Variants in SLC4A10 observed in about 807,000 individuals in gnomAD.
SLC4A10 encodes the protein solute carrier family 4 member 10, also known as sodium-driven chloride bicarbonate exchanger.
In SLC4A10, 42 loss-of-function variants were observed where a neutral mutation model predicts 137.7. The observed-to-expected ratio is 0.30, with a 90% CI of 0.24 to 0.39. The LOEUF is 0.39. SLC4A10 is among the 10% of genes least tolerant of loss of function. The pLI is 1.00. For missense variants in SLC4A10, 925 were observed against 1,355.0 expected, an observed-to-expected ratio of 0.68 and a Z score of 4.98; for synonymous variants, 474 against 464.1, an observed-to-expected ratio of 1.02 and a Z score of -0.27.
At chr2:161,932,746 A>G (rs188100286) in intron 15 of SLC4A10, among the ~76,000 whole-genome samples, 2 of 152,276 alleles carry the variant, frequency 1.3e-5, no homozygotes, top group East Asian at 3.9e-4. Flanking sequence ...CACAATCTTT[A>G]CTACTGTAGG....
intron 2 of SLC4A10, among the ~76,000 whole-genome samples, chr2:161,782,194 G>A (rs924392154): frequency 6.6e-6 from 1 of 152,048 alleles, no homozygotes; most frequent in African/African-American, 2.4e-5. Context: ...TAAACTTTCT[G>A]GGGGTTTTCC....
chr2:161,854,342 A>T lies in SLC4A10; in HGVS notation c.417-628A>T, dbSNP rs1279271634. On this transcript the variant is annotated intron_variant, in intron 4 of 26. Transcript: ENST00000446997. ...CAAGAAGACAGTGGTCCCCCATTTG[A>T]CATCATGACATCAAGGTTCTTCTCT... Among the ~76,000 whole-genome samples the T allele has an allele frequency of 4.6e-5, 7 of 152,288 alleles. No individual in the cohort carries two copies. In the East Asian group the frequency reaches 1.4e-3, roughly 29 times the overall value.
chr2:161,955,895 C>G (rs988485183), intron 19 of SLC4A10, among the ~76,000 whole-genome samples: 1 of 152,120 alleles, frequency 6.6e-6, no homozygotes, highest in Non-Finnish European at 1.5e-5. Flanking sequence ...TAAAATTACA[C>G]TTACTAAATT....
At chr2:161,856,397 A>ACACACC (rs750648475) in intron 5 of SLC4A10, among the ~76,000 whole-genome samples, 4 of 147,892 alleles carry the variant, frequency 2.7e-5, no homozygotes, top group Non-Finnish European at 4.5e-5. Flanking sequence ...ACACACACAC[A>ACACACC]CCACACTGCC....
At chr2:161,732,657 A>G (rs1057438298) in intron 1 of SLC4A10, among the ~76,000 whole-genome samples, 8 of 152,198 alleles carry the variant, frequency 5.3e-5, no homozygotes, top group Non-Finnish European at 1.2e-4. Flanking sequence ...CAAAATGTTG[A>G]AGCAACTTTG....
chr2:161,640,170 A>G (rs942944510), intron 1 of SLC4A10, among the ~76,000 whole-genome samples: 1 of 152,100 alleles, frequency 6.6e-6, no homozygotes, highest in Non-Finnish European at 1.5e-5. Flanking sequence ...CTGGGTCATA[A>G]TCCAGTACTT....
chr2:161,678,317 C>T (rs540773784), intron 1 of SLC4A10, among the ~76,000 whole-genome samples: 4 of 152,242 alleles, frequency 2.6e-5, no homozygotes, highest in African/African-American at 9.6e-5. Flanking sequence ...TCCTTAAAAA[C>T]TTGGCCATTT....
chr2:161,882,470 AT>A, intron 10 of SLC4A10, 26 bp downstream of exon 10: 10 of 1,484,830 alleles, frequency 6.7e-6, no homozygotes, highest in South Asian at 6.7e-5. Context: ...CTTTGGGAAC[AT>A]TTTCCCCCAT....
chr2:161,795,605 C>A (rs1451548127), intron 2 of SLC4A10, among the ~76,000 whole-genome samples: 1 of 151,994 alleles, frequency 6.6e-6, no homozygotes, highest in Non-Finnish European at 1.5e-5. Context: ...GATTCAACCT[C>A]TTGGAAGATT....
intron 1 of SLC4A10, among the ~76,000 whole-genome samples, chr2:161,722,951 AC>A (rs2125129959): frequency 6.6e-6 from 1 of 152,292 alleles, no homozygotes; most frequent in African/African-American, 2.4e-5. Flanking sequence ...CAGTCTGGCC[AC>A]AATCTGCCGC....
intron 1 of SLC4A10, among the ~76,000 whole-genome samples, chr2:161,653,124 A>G (rs1574120773): frequency 6.6e-6 from 1 of 152,200 alleles, no homozygotes; most frequent in East Asian, 1.9e-4. Context: ...TTCCTGTGTT[A>G]GTATGCCGAG....
intron 1 of SLC4A10, among the ~76,000 whole-genome samples, chr2:161,643,703 T>TTTAAATATCTTATATTTATATTAAATA (rs1459033952): frequency 1.2e-4 from 19 of 152,184 alleles, no homozygotes; most frequent in Non-Finnish European, 2.4e-4. Flanking sequence ...AGGCAAGATA[T>TTTAAATATCTTATATTTATATTAAATA]TTAAATATTT....
At chr2:161,929,539 C>T (rs1305472995) in intron 15 of SLC4A10, among the ~76,000 whole-genome samples, 2 of 152,206 alleles carry the variant, frequency 1.3e-5, no homozygotes, top group East Asian at 3.9e-4. Context: ...CTAGGGACCC[C>T]TGACCAATGA....
At chr2:161,769,049 C>A (rs539419172) in intron 1 of SLC4A10, among the ~76,000 whole-genome samples, 1 of 151,938 alleles carries the variant, frequency 6.6e-6, no homozygotes, top group African/African-American at 2.4e-5. Flanking sequence ...TTTCCTAAGC[C>A]TTTATATACT....
chr2:161,651,609 C>A (rs183105813), intron 1 of SLC4A10, among the ~76,000 whole-genome samples: 1 of 152,126 alleles, frequency 6.6e-6, no homozygotes, highest in African/African-American at 2.4e-5. Context: ...AGCTTCTGGG[C>A]GCCACCACAT....
rs566307989 is a variant in SLC4A10 at position 161,936,616 on chromosome 2, A to G, written c.1998-6176A>G. ...CTTTTATAATCCTTTGCATTTCTGT[A>G]GTGTATTTTAATGTCTCCTCTTTCA... On this transcript the variant is annotated intron_variant, in intron 15 of 26. Coordinates refer to ENST00000446997, the MANE Select transcript of SLC4A10 (RefSeq NM_001178015.2). Among the ~76,000 whole-genome samples the G allele has an allele frequency of 1.1e-4, 16 of 152,092 alleles. No individual in the cohort carries two copies. In the South Asian group the frequency reaches 3.3e-3, roughly 32 times the overall value.
rs2060023188 is a variant in SLC4A10, at chr2:161,854,965, T to C, written c.417-5T>C. On this transcript the variant is annotated splice_polypyrimidine_tract_variant and splice_region_variant and intron_variant, in intron 4 of 26. Coordinates refer to ENST00000446997, the MANE Select transcript of SLC4A10 (RefSeq NM_001178015.2). ...AAACTGTGCTGATAATATTTGTTTG[T>C]ATAGGTGGTTGAAGTTTGAAGAAGA... 3 of 1,611,332 alleles carry C rather than the reference T, an allele frequency of 1.9e-6. No individual in the cohort carries two copies. The highest frequency in any genetic ancestry group is 2.5e-6 in the Non-Finnish European group (3 of 1,178,590).
At chr2:161,894,878 A>T in intron 11 of SLC4A10, 53 bp downstream of exon 11, 2 of 1,112,046 alleles carry the variant, frequency 1.8e-6, no homozygotes, top group Non-Finnish European at 2.4e-6. Flanking sequence ...TGTCTTTTAA[A>T]TGCATGTTTT....
chr2:161,939,041 CT>C (rs1553634029), intron 15 of SLC4A10, among the ~76,000 whole-genome samples: 2 of 151,802 alleles, frequency 1.3e-5, no homozygotes, highest in South Asian at 2.1e-4. Flanking sequence ...GACAAATTTA[CT>C]TTTTGCTCTT....
Sources: allele counts gnomAD v4.1 joint callset (sites outside exome capture counted in the v4.1 genomes callset), GRCh38; gene constraint gnomAD v4.1.1; transcripts MANE v1.5; gene names NCBI Gene and HGNC (gene_info 2026-07-23, HGNC 2026-07-21).